Variants in PHF3 observed in about 807,000 individuals in gnomAD.
PHF3 encodes PHD finger protein 3.
PHF3 carries 41 observed loss-of-function variants against 178.4 expected under a neutral mutation model. The ratio of observed to expected loss-of-function variants is 0.23; its 90% CI spans 0.18 to 0.30. The LOEUF is 0.30. Among genes scored for constraint, PHF3 ranks in the 10% least tolerant of loss-of-function variants. The probability of loss-of-function intolerance (pLI) is 1.00; values close to 1 mark genes in which losing one functional copy is unlikely to be tolerated. For missense variants in PHF3, 2,346 were observed against 2,398.1 expected, an observed-to-expected ratio of 0.98 and a Z score of 0.45; for synonymous variants, 842 against 800.5, an observed-to-expected ratio of 1.05 and a Z score of -0.88.
intron 2 of PHF3, among the ~76,000 whole-genome samples, chr6:63,670,471 C>T (rs1441128815): frequency 6.6e-6 from 1 of 151,706 alleles, no homozygotes; most frequent in African/African-American, 2.4e-5. Context: ...GGTTTCACCA[C>T]GTTAGCCAGG....
intron 6 of PHF3, among the ~76,000 whole-genome samples, chr6:63,697,122 C>T (rs887528409): frequency 4.6e-5 from 7 of 151,806 alleles, no homozygotes; most frequent in Non-Finnish European, 7.4e-5. Context: ...AGGTGTGAAA[C>T]TCGGGAAGAC....
rs901746105 is a variant in PHF3, at chr6:63,720,951, C to G, written c.*7243C>G. On this transcript the variant is annotated 3_prime_UTR_variant, in exon 16 of 16. Transcript: ENST00000262043. ...GTTATAGCTCATAGGCACAGAGATT[C>G]TTTCTCCCAAGTTAACTGCTATTTT... 2.6e-6 allele frequency: 4 copies of G among 1,551,330 alleles called. No homozygotes were observed. The highest frequency in any genetic ancestry group is 3.5e-6 in the Non-Finnish European group (4 of 1,146,786).
rs2149623955 is a variant in PHF3 at position 63,720,870 on chromosome 6, G to A, written c.*7162G>A. On this transcript the variant is annotated 3_prime_UTR_variant, in exon 16 of 16. Transcript: ENST00000262043. ...GTTATTTATGTAGGCCTTGATAAGA[G>A]TCTGATTTTGAATTACAACTACATG... 1 of 1,551,046 alleles carries A rather than the reference G, an allele frequency of 6.4e-7. No individual in the cohort carries two copies. Among genetic ancestry groups the A allele is most frequent in the Non-Finnish European group, 8.7e-7 (1 of 1,146,542 alleles).
intron 2 of PHF3, among the ~76,000 whole-genome samples, chr6:63,654,159 C>T (rs940588643): frequency 5.9e-5 from 9 of 152,152 alleles, no homozygotes; most frequent in African/African-American, 2.2e-4. Context: ...GAATTCCCTC[C>T]TCTTCAATTT....
At chr6:63,652,505 T>C (rs1171926317) in intron 2 of PHF3, among the ~76,000 whole-genome samples, 2 of 152,150 alleles carry the variant, frequency 1.3e-5, no homozygotes, top group African/African-American at 4.8e-5. Flanking sequence ...TCACTCTGTT[T>C]ATTGTTTCCT....
At chr6:63,654,799 A>G (rs892649913) in intron 2 of PHF3, among the ~76,000 whole-genome samples, 1 of 151,546 alleles carries the variant, frequency 6.6e-6, no homozygotes, top group Non-Finnish European at 1.5e-5. Flanking sequence ...GGCTGGGCAT[A>G]TAGGATTTTC....
chr6:63,693,300 G>A (rs1767088312), intron 5 of PHF3, among the ~76,000 whole-genome samples: 1 of 152,192 alleles, frequency 6.6e-6, no homozygotes, highest in African/African-American at 2.4e-5. Context: ...CCATAGCTGA[G>A]TTGTCTCTGT....
intron 2 of PHF3, among the ~76,000 whole-genome samples, chr6:63,651,102 A>T (rs1183453560): frequency 1.3e-5 from 2 of 152,144 alleles, no homozygotes; most frequent in African/African-American, 2.4e-5. Flanking sequence ...ATCGAGTTTT[A>T]AAAAATTGTT....
rs1275684790 is a variant in PHF3 at position 63,715,841 on chromosome 6, GAGT to G, written c.*2139_*2141del. ...AGGGAAAATGAGCAGATTTTTCAAT[GAGT>G]AGTAGATCCAAAGCCATTCTCAGTC... On this transcript the variant is annotated 3_prime_UTR_variant, in exon 16 of 16. Coordinates refer to ENST00000262043, the MANE Select transcript of PHF3 (RefSeq NM_001370348.2). Among the ~76,000 whole-genome samples, 2 of 152,064 alleles carry G rather than the reference GAGT, an allele frequency of 1.3e-5. No homozygotes were observed. The highest frequency in any genetic ancestry group is 2.9e-5 in the Non-Finnish European group (2 of 67,994).
At chr6:63,706,493 C>A (rs764609254) in intron 12 of PHF3, among the ~76,000 whole-genome samples, 1 of 152,124 alleles carries the variant, frequency 6.6e-6, no homozygotes, top group Non-Finnish European at 1.5e-5. Flanking sequence ...TTATTAAAGA[C>A]GAAATGTTTG....
chr6:63,709,470 A>G (rs114121903), intron 14 of PHF3, among the ~76,000 whole-genome samples: 1,678 of 151,924 alleles, frequency 0.011, 32 homozygotes, highest in African/African-American at 0.038. Context: ...GCTTCTGTTA[A>G]TGTTTTAGAA....
chr6:63,715,575 G>A lies in PHF3; in HGVS notation c.*1867G>A, dbSNP rs1377251418. ...TGAATGAAAACAAGCTTTTAGGTCA[G>A]TTTTTGATCACCTCTTCGCTAATAG... On this transcript the variant is annotated 3_prime_UTR_variant, in exon 16 of 16. Coordinates refer to ENST00000262043, the MANE Select transcript of PHF3 (RefSeq NM_001370348.2). The A allele has an allele frequency of 6.6e-6, 1 of 152,114 alleles. No homozygotes were observed. The highest frequency in any genetic ancestry group is 2.4e-5 in the African/African-American group (1 of 41,452). 9.4% of individuals were successfully genotyped at this position (152,114 alleles called of 1,614,324 possible).
chr6:63,643,460 T>C (rs188295761), intron 1 of PHF3, among the ~76,000 whole-genome samples: 1 of 152,196 alleles, frequency 6.6e-6, no homozygotes, highest in African/African-American at 2.4e-5. Context: ...ACAATTTTCC[T>C]TAAAACGTGT....
chr6:63,695,247 A>AT (rs1186921168), intron 6 of PHF3, among the ~76,000 whole-genome samples: 1 of 152,182 alleles, frequency 6.6e-6, no homozygotes, highest in Non-Finnish European at 1.5e-5. Context: ...GAAGTGTGGC[A>AT]TTTGAGGAGC....
At position 63,694,211 on chromosome 6, in the gene PHF3, A is replaced by G. The variant is rs115882566; in HGVS notation, c.2497-370A>G. 6.2e-3 allele frequency among the ~76,000 whole-genome samples: 943 copies of G among 152,344 alleles called. 9 individuals are homozygous for G. The highest frequency in any genetic ancestry group is 0.021 in the African/African-American group (867 of 41,586). Reference sequence around the variant, plus strand: ...TACCTCATGGGAATTAAAATTGCCAATAGGCATACTGAGAACTTAATTGAT... The same window carrying G: ...TACCTCATGGGAATTAAAATTGCCAGTAGGCATACTGAGAACTTAATTGAT... On this transcript the variant is annotated intron_variant, in intron 5 of 15. Transcript: ENST00000262043.
In PHF3 at chr6:63,691,850, A is replaced by G. The variant is rs1767016022; in HGVS notation, c.2303A>G (p.Lys768Arg). Residue 768 changes from lysine to arginine, a missense_variant, in exon 5 of 16, where the codon AAA becomes AGA. Lys to Arg is a conservative substitution (Grantham distance 26, BLOSUM62 2). This residue lies in a region of PHF3 where 72 missense variants were observed against 110.5 expected (regional missense o/e 0.65). Transcript: ENST00000262043. ...GEEDKEYVCV[K>R]CCAEEDKKTE... is the part of the protein sequence containing the mutation. ...GAAGACAAAGAATATGTCTGTGTAA[A>G]ATGTTGTGCTGAAGAAGACAAAAAG... 1 of 1,613,720 alleles carries G rather than the reference A, an allele frequency of 6.2e-7. No homozygotes were observed. The highest frequency in any genetic ancestry group is 8.5e-7 in the Non-Finnish European group (1 of 1,179,932).
At chr6:63,697,309 T>C (rs186206664) in intron 6 of PHF3, among the ~76,000 whole-genome samples, 1 of 152,186 alleles carries the variant, frequency 6.6e-6, no homozygotes, top group Admixed American at 6.5e-5. Context: ...CAGTGAAATA[T>C]GAAGAGCAAA....
At chr6:63,693,263 A>G (rs1418733257) in intron 5 of PHF3, among the ~76,000 whole-genome samples, 1 of 152,230 alleles carries the variant, frequency 6.6e-6, no homozygotes, top group Non-Finnish European at 1.5e-5. Context: ...TATGCAGTAC[A>G]ATGAGAAATA....
intron 2 of PHF3, among the ~76,000 whole-genome samples, chr6:63,668,787 A>T (rs1443641553): frequency 6.6e-6 from 1 of 152,054 alleles, no homozygotes; most frequent in African/African-American, 2.4e-5. Flanking sequence ...TGTGTGTTCC[A>T]TTGCATAGTT....
Sources: gnomAD v4.1 joint callset for allele counts (sites outside exome capture counted in the v4.1 genomes callset) on GRCh38, gnomAD v4.1.1 for gene constraint, gnomAD v4.1.1 regional missense constraint, MANE v1.5 for transcripts, NCBI Gene and HGNC (gene_info 2026-07-23, HGNC 2026-07-21) for gene names.